The following ZNF423 variants were observed in gnomAD, a reference collection of about 807,000 sequenced individuals.
The protein encoded by ZNF423 is zinc finger protein 423, also known as Ebf-associated zinc finger protein.
In ZNF423, 12 loss-of-function variants were observed where a neutral mutation model predicts 95.8. That is an observed-to-expected ratio of 0.13 (90% CI 0.08 to 0.20). ZNF423 has a LOEUF of 0.20. Among genes scored for constraint, ZNF423 ranks in the 10% least tolerant of loss-of-function variants. ZNF423 has a pLI of 1.00. For missense variants in ZNF423, 1,316 were observed against 1,737.1 expected (o/e 0.76, Z 4.31); for synonymous variants, 749 against 711.9 (o/e 1.05, Z -0.83).
At position 49,531,035 on chromosome 16, in the gene ZNF423, G is replaced by A. The variant is rs767280293; in HGVS notation, c.3602-5541C>T. On this transcript the variant is annotated intron_variant, in intron 5 of 7. Coordinates refer to ENST00000563137, the MANE Select transcript of ZNF423 (RefSeq NM_001379286.1). The stretch of plus-strand genomic sequence containing the variant: ...ATGTTTGAGCCTGGGGGGTCCCCTC[G>A]CCAGCACAAGCGCCGGTTGGCAGCA... Among the ~76,000 whole-genome samples, 8 of 152,198 alleles carry A rather than the reference G, an allele frequency of 5.3e-5. No homozygotes were observed. In the South Asian group the frequency reaches 1.7e-3, roughly 32 times the overall value.
intron 3 of ZNF423, among the ~76,000 whole-genome samples, chr16:49,669,365 G>GA (rs554783531): frequency 3.0e-4 from 46 of 151,480 alleles, no homozygotes; most frequent in Non-Finnish European, 5.3e-4. Flanking sequence ...AAAAAGAAAA[G>GA]AAAAAAAAAT....
Position 49,829,382 on chromosome 16 carries a change from C to T in ZNF423, c.40+26353G>A, listed in dbSNP as rs545547597. On this transcript the variant is annotated intron_variant, in intron 1 of 7. Coordinates refer to ENST00000563137, the MANE Select transcript of ZNF423 (RefSeq NM_001379286.1). ...TAAACGAGCCCTCCTTCTTTGAGCC[C>T]GAGAGTTGGAGGTGGCAGTGAGCTA... 8.5e-5 allele frequency among the ~76,000 whole-genome samples: 13 copies of T among 152,286 alleles called. No homozygotes were observed. The South Asian group carries it at 2.7e-3, about 32-fold the overall frequency.
chr16:49,835,048 C>A (rs901929922), intron 1 of ZNF423, among the ~76,000 whole-genome samples: 5 of 152,042 alleles, frequency 3.3e-5, no homozygotes, highest in Admixed American at 2.6e-4. Context: ...CTCAGAATCA[C>A]CTCCGGATTA....
chr16:49,850,685 G>A (rs1247067470), intron 1 of ZNF423, among the ~76,000 whole-genome samples: 1 of 152,168 alleles, frequency 6.6e-6, no homozygotes, highest in African/African-American at 2.4e-5. Flanking sequence ...AAAAACGATG[G>A]GGCCATCAGG....
chr16:49,590,060 T>C (rs1229274787), intron 5 of ZNF423, among the ~76,000 whole-genome samples: 3 of 103,086 alleles, frequency 2.9e-5, no homozygotes, highest in Non-Finnish European at 6.4e-5. Context: ...ATTTGGTCCA[T>C]ACAGACGTGA....
intron 1 of ZNF423, among the ~76,000 whole-genome samples, chr16:49,806,967 C>T (rs566690212): frequency 1.3e-5 from 2 of 150,302 alleles, no homozygotes; most frequent in African/African-American, 4.9e-5. Context: ...GTAGAGGTTG[C>T]AGCGAGCCGA....
chr16:49,839,665 C>G (rs1361349316), intron 1 of ZNF423, among the ~76,000 whole-genome samples: 4 of 152,200 alleles, frequency 2.6e-5, no homozygotes, highest in Non-Finnish European at 5.9e-5. Context: ...CTCGCGGCCC[C>G]AGGAAAGCCT....
At chr16:49,689,633 C>T (rs2031704316) in intron 3 of ZNF423, among the ~76,000 whole-genome samples, 1 of 152,092 alleles carries the variant, frequency 6.6e-6, no homozygotes. Context: ...CAACACCCAG[C>T]CAGAGGCCAA....
Position 49,812,722 on chromosome 16 carries a change from C to A in ZNF423, c.41-23176G>T, listed in dbSNP as rs2034773485. Among the ~76,000 whole-genome samples, 2 of 152,106 alleles carry A rather than the reference C, an allele frequency of 1.3e-5. 1 individual carries two copies. The highest frequency in any genetic ancestry group is 4.1e-4 in the South Asian group (2 of 4,830). ...GAATAAATAAAGTCCTGAAGCAGTA[C>A]TGAAGTAGCTGATTTGGAATCATTT... On this transcript the variant is annotated intron_variant, in intron 1 of 7. Transcript: ENST00000563137.
intron 3 of ZNF423, among the ~76,000 whole-genome samples, chr16:49,709,830 T>C (rs1249090291): frequency 5.9e-5 from 9 of 152,190 alleles, no homozygotes; most frequent in Admixed American, 3.9e-4. Flanking sequence ...CGGAATCTCC[T>C]GGCACCTTGA....
intron 5 of ZNF423, among the ~76,000 whole-genome samples, chr16:49,614,815 A>C: frequency 6.6e-6 from 1 of 152,214 alleles, no homozygotes; most frequent in Non-Finnish European, 1.5e-5. Context: ...GGACAAATAA[A>C]AGCCCAGGAG....
At chr16:49,662,524 C>G (rs190356048) in intron 3 of ZNF423, among the ~76,000 whole-genome samples, 2 of 152,346 alleles carry the variant, frequency 1.3e-5, no homozygotes, top group East Asian at 1.9e-4. Context: ...TCTGCCAGCC[C>G]TGTTCGAGGC....
intron 2 of ZNF423, among the ~76,000 whole-genome samples, chr16:49,741,721 C>T (rs138620835): frequency 3.9e-5 from 6 of 152,366 alleles, no homozygotes; most frequent in African/African-American, 1.4e-4. Flanking sequence ...ACAGGGTCAT[C>T]TGCTCATTCC....
chr16:49,802,793 T>A (rs1448904598), intron 1 of ZNF423, among the ~76,000 whole-genome samples: 2 of 152,188 alleles, frequency 1.3e-5, no homozygotes, highest in East Asian at 1.9e-4. Context: ...ACATAAGTAA[T>A]CCATGTACAA....
chr16:49,619,136 T>G (rs1971974776), intron 5 of ZNF423, among the ~76,000 whole-genome samples: 1 of 152,210 alleles, frequency 6.6e-6, no homozygotes, highest in South Asian at 2.1e-4. Context: ...GTGTAACCTC[T>G]TCCAGGAAGT....
intron 5 of ZNF423, among the ~76,000 whole-genome samples, chr16:49,596,405 G>A (rs545439032): frequency 7.9e-5 from 12 of 152,232 alleles, no homozygotes; most frequent in Admixed American, 7.2e-4. Flanking sequence ...CTTCCCCCTC[G>A]ATTCCAGAGA....
At chr16:49,600,898 C>T (rs375079440) in intron 5 of ZNF423, among the ~76,000 whole-genome samples, 1 of 152,150 alleles carries the variant, frequency 6.6e-6, no homozygotes, top group Non-Finnish European at 1.5e-5. Flanking sequence ...CTTCATTTCA[C>T]GAATTTCCCC....
chr16:49,785,736 C>T (rs927850410), intron 2 of ZNF423, among the ~76,000 whole-genome samples: 40 of 152,228 alleles, frequency 2.6e-4, no homozygotes, highest in African/African-American at 8.9e-4. Context: ...GGCCCCCTCA[C>T]GTATCAGCCC....
At chr16:49,729,679 TA>T (rs1490240654) in intron 3 of ZNF423, among the ~76,000 whole-genome samples, 1 of 144,184 alleles carries the variant, frequency 6.9e-6, no homozygotes, top group Non-Finnish European at 1.5e-5. Flanking sequence ...TTATTATTAT[TA>T]TTATTTTAAA....
Sources: allele counts gnomAD v4.1 joint callset (sites outside exome capture counted in the v4.1 genomes callset), GRCh38; gene constraint gnomAD v4.1.1; transcripts MANE v1.5; gene names NCBI Gene and HGNC (gene_info 2026-07-23, HGNC 2026-07-21).